VWA8: variants seen among roughly 807,000 people sequenced by gnomAD.
VWA8 encodes the protein von Willebrand factor A domain containing 8, also known as von Willebrand factor A domain-containing protein 8.
In VWA8, 221 loss-of-function variants were observed where a neutral mutation model predicts 241.5. The ratio of observed to expected loss-of-function variants is 0.91; its 90% CI spans 0.82 to 1.02. VWA8 has a LOEUF of 1.02. Ranked by LOEUF, VWA8 falls within the 50% of genes least tolerant of loss-of-function variation. The pLI is 0.00. For missense variants in VWA8, 2,322 were observed against 2,328.7 expected (o/e 1.00, Z 0.06); for synonymous variants, 852 against 827.1 (o/e 1.03, Z -0.52).
At chr13:41,596,587 T>C (rs1302935184) in intron 40 of VWA8, among the ~76,000 whole-genome samples, 1 of 152,132 alleles carries the variant, frequency 6.6e-6, no homozygotes, top group Non-Finnish European at 1.5e-5. Flanking sequence ...TGTTTTGTAT[T>C]ATACATAAAT....
At chr13:41,671,476 G>A (rs2045023350) in intron 36 of VWA8, among the ~76,000 whole-genome samples, 1 of 152,132 alleles carries the variant, frequency 6.6e-6, no homozygotes, top group African/African-American at 2.4e-5. Flanking sequence ...AACAAAGCTG[G>A]TTTAAACTGA....
chr13:41,693,005 A>T, intron 29 of VWA8, 33 bp from the exon 30 acceptor site: 1 of 1,345,156 alleles, frequency 7.4e-7, no homozygotes, highest in Non-Finnish European at 1.0e-6. Context: ...AAAGCTCAAG[A>T]TTTGTTCTTT....
chr13:41,858,789 A>C (rs1872872648), intron 12 of VWA8, among the ~76,000 whole-genome samples: 1 of 152,218 alleles, frequency 6.6e-6, no homozygotes, highest in African/African-American at 2.4e-5. Flanking sequence ...AGCTGAAGTA[A>C]GTAAATTCTT....
chr13:41,779,915 C>T (rs1240792481), intron 19 of VWA8, among the ~76,000 whole-genome samples: 3 of 152,188 alleles, frequency 2.0e-5, no homozygotes, highest in African/African-American at 7.2e-5. Flanking sequence ...GCTAAAGTCA[C>T]CGCCAATACA....
chr13:41,824,813 T>C (rs1315963084), intron 14 of VWA8, among the ~76,000 whole-genome samples: 1 of 130,414 alleles, frequency 7.7e-6, no homozygotes, highest in Non-Finnish European at 1.6e-5. Context: ...TGAGACCCTA[T>C]CGAAAAGAAA....
At chr13:41,816,604 G>T (rs78527162) in intron 16 of VWA8, 94 bp downstream of exon 16, 1 of 1,234,516 alleles carries the variant, frequency 8.1e-7, no homozygotes, top group Non-Finnish European at 1.2e-6. Context: ...TAAAATACCA[G>T]CTTAAAAAAT....
chr13:41,878,572 T>C (rs1393226526), intron 9 of VWA8, among the ~76,000 whole-genome samples: 1 of 152,166 alleles, frequency 6.6e-6, no homozygotes, highest in Non-Finnish European at 1.5e-5. Context: ...GACAGTTTAC[T>C]GAGTTACAAC....
chr13:41,777,391 C>T (rs1284620278), intron 20 of VWA8, among the ~76,000 whole-genome samples: 2 of 152,132 alleles, frequency 1.3e-5, no homozygotes, highest in Non-Finnish European at 2.9e-5. Flanking sequence ...AGAGCATGTA[C>T]TGAGGACCAG....
In VWA8 at chr13:41,721,445, C is replaced by T; in HGVS notation, c.2889G>A (p.Arg963=). The stretch of plus-strand genomic sequence containing the variant: ...TAATAATCCCTTGGTCAGCCAAACT[C>T]CTCAGCTCTCCAAAGGCAGCCACAA... The part of the protein sequence containing the change: ...QKLVAAFGEL[R]SLADQGIINY... The change falls in exon 25 of 45, where the codon AGG becomes AGA. Residue 963 remains arginine (R), a synonymous_variant. Transcript: ENST00000379310. The T allele has an allele frequency of 1.2e-6, 2 of 1,613,906 alleles. No homozygotes were observed. Among genetic ancestry groups the T allele is most frequent in the Non-Finnish European group, 1.7e-6 (2 of 1,179,852 alleles).
chr13:41,736,394 T>C (rs2045525066), intron 21 of VWA8, among the ~76,000 whole-genome samples: 1 of 152,168 alleles, frequency 6.6e-6, no homozygotes, highest in African/African-American at 2.4e-5. Context: ...ATTCCACATG[T>C]AATAAAAGCA....
intron 24 of VWA8, among the ~76,000 whole-genome samples, chr13:41,726,658 GA>G (rs1170131559): frequency 6.6e-6 from 1 of 152,122 alleles, no homozygotes; most frequent in Non-Finnish European, 1.5e-5. Flanking sequence ...ACTTAGATAT[GA>G]AGCCCAAGTC....
chr13:41,704,354 G>GT (rs2045269303), intron 26 of VWA8, among the ~76,000 whole-genome samples: 1 of 152,062 alleles, frequency 6.6e-6, no homozygotes, highest in African/African-American at 2.4e-5. Flanking sequence ...GAATCATTCT[G>GT]TATTTAGATT....
At chr13:41,627,570 T>A (rs1243577264) in intron 37 of VWA8, among the ~76,000 whole-genome samples, 1 of 152,216 alleles carries the variant, frequency 6.6e-6, no homozygotes, top group African/African-American at 2.4e-5. Flanking sequence ...GTCCTTGCCA[T>A]CCACACTACA....
intron 17 of VWA8, among the ~76,000 whole-genome samples, chr13:41,804,995 GAAGA>G (rs1469161639): frequency 2.0e-5 from 3 of 152,072 alleles, no homozygotes; most frequent in African/African-American, 7.2e-5. Flanking sequence ...AGTAAGGCAA[GAAGA>G]AAGAGAAGAC....
chr13:41,942,075 A>G (rs1247285981), intron 2 of VWA8, among the ~76,000 whole-genome samples: 3 of 152,262 alleles, frequency 2.0e-5, no homozygotes, highest in Non-Finnish European at 2.9e-5. Flanking sequence ...TTTCCCCCCA[A>G]TTATCATGTG....
At chr13:41,752,986 T>C (rs1367831697) in intron 21 of VWA8, among the ~76,000 whole-genome samples, 2 of 151,928 alleles carry the variant, frequency 1.3e-5, no homozygotes, top group Non-Finnish European at 2.9e-5. Flanking sequence ...TGAAGAAAAA[T>C]CACAAAAGGT....
chr13:41,823,554 T>C (rs1404632554), intron 14 of VWA8, among the ~76,000 whole-genome samples: 1 of 152,142 alleles, frequency 6.6e-6, no homozygotes, highest in Non-Finnish European at 1.5e-5. Context: ...TACTCCCCCT[T>C]TCCCTAAAGA....
intron 1 of VWA8, among the ~76,000 whole-genome samples, chr13:41,951,004 T>C (rs1878110226): frequency 1.3e-5 from 2 of 152,086 alleles, no homozygotes; most frequent in African/African-American, 4.8e-5. Flanking sequence ...TCCTCAACCT[T>C]TTTACATATC....
chr13:41,681,429 G>A (rs1348116559), intron 35 of VWA8, among the ~76,000 whole-genome samples: 1 of 151,770 alleles, frequency 6.6e-6, no homozygotes, highest in Non-Finnish European at 1.5e-5. Context: ...ACATGATGGT[G>A]AAAAAAACAG....
Sources: allele counts gnomAD v4.1 joint callset (sites outside exome capture counted in the v4.1 genomes callset), GRCh38; gene constraint gnomAD v4.1.1; transcripts MANE v1.5; gene names NCBI Gene and HGNC (gene_info 2026-07-23, HGNC 2026-07-21).